Variants in CACNA2D1 observed in about 807,000 individuals in gnomAD.
CACNA2D1 encodes the protein voltage-dependent calcium channel subunit alpha-2/delta-1.
CACNA2D1 carries 53 observed loss-of-function variants against 171.5 expected under a neutral mutation model. That is an observed-to-expected ratio of 0.31 (90% CI 0.25 to 0.39). The LOEUF (loss-of-function observed/expected upper bound fraction) is 0.39. Among genes scored for constraint, CACNA2D1 ranks in the 10% least tolerant of loss-of-function variants. The probability of loss-of-function intolerance (pLI) is 1.00; values close to 1 mark genes in which losing one functional copy is unlikely to be tolerated. For missense variants in CACNA2D1, 903 were observed against 1,299.8 expected (o/e 0.69, Z 4.69); for synonymous variants, 442 against 443.1 (o/e 1.00, Z 0.03).
intron 6 of CACNA2D1, among the ~76,000 whole-genome samples, chr7:82,107,063 TA>T (rs1316750872): frequency 6.6e-6 from 1 of 152,198 alleles, no homozygotes; most frequent in Non-Finnish European, 1.5e-5. Flanking sequence ...GATAAATTTG[TA>T]ATGAAATATA....
chr7:82,053,594 T>C (rs987925646), intron 10 of CACNA2D1, among the ~76,000 whole-genome samples: 3 of 152,132 alleles, frequency 2.0e-5, no homozygotes, highest in African/African-American at 7.2e-5. Flanking sequence ...AAGGAGGAAC[T>C]AGGAGCTGGG....
rs1195618675 is a variant in CACNA2D1, at chr7:82,111,405, TTC to T, written c.526+5637_526+5638del. Among the ~76,000 whole-genome samples the T allele has an allele frequency of 2.4e-3, 222 of 91,978 alleles. 2 individuals are homozygous for T. The highest frequency in any genetic ancestry group is 8.2e-3 in the African/African-American group (217 of 26,422). 60.3% of individuals were successfully genotyped at this position (91,978 alleles called of 152,430 possible). On this transcript the variant is annotated intron_variant, in intron 6 of 38. Transcript: ENST00000356860. ...ATATGTGTATATATGTATATATATA[TTC>T]ATATATGTGTATATATGTGTGTATA...
At chr7:82,349,709 T>TG in intron 1 of CACNA2D1, 60 bp from the exon 2 acceptor site, 2 of 1,236,308 alleles carry the variant, frequency 1.6e-6, no homozygotes, top group South Asian at 2.4e-5. Context: ...AGTCACATGC[T>TG]GATATTTTAT....
intron 20 of CACNA2D1, among the ~76,000 whole-genome samples, chr7:81,992,462 G>A (rs994247413): frequency 2.0e-5 from 3 of 151,964 alleles, no homozygotes; most frequent in Admixed American, 6.6e-5. Context: ...GCAGATGGAG[G>A]GGGGAACAGG....
At chr7:81,951,626 A>G (rs1026414031) in intron 38 of CACNA2D1, among the ~76,000 whole-genome samples, 3 of 152,102 alleles carry the variant, frequency 2.0e-5, no homozygotes, top group Admixed American at 2.0e-4. Context: ...CTTCCCTTAG[A>G]AAAATGGTCT....
intron 3 of CACNA2D1, among the ~76,000 whole-genome samples, chr7:82,230,541 A>G (rs1255837227): frequency 6.6e-6 from 1 of 152,200 alleles, no homozygotes; most frequent in Admixed American, 6.5e-5. Context: ...ATTATTCTTT[A>G]ATTTAAAAAA....
At chr7:81,981,007 A>T (rs1796387051) in intron 24 of CACNA2D1, among the ~76,000 whole-genome samples, 1 of 152,184 alleles carries the variant, frequency 6.6e-6, no homozygotes, top group Non-Finnish European at 1.5e-5. Flanking sequence ...TCATATTGAA[A>T]TATGTAAAGT....
chr7:82,086,551 C>T (rs550705498), intron 6 of CACNA2D1, among the ~76,000 whole-genome samples: 1 of 152,136 alleles, frequency 6.6e-6, no homozygotes, highest in East Asian at 1.9e-4. Context: ...ACACAGATAA[C>T]CTGAACTGAT....
intron 2 of CACNA2D1, among the ~76,000 whole-genome samples, chr7:82,339,542 CTT>C (rs887092093): frequency 6.6e-6 from 1 of 152,148 alleles, no homozygotes; most frequent in African/African-American, 2.4e-5. Flanking sequence ...TGTATCAGGA[CTT>C]ATATTAGACC....
intron 24 of CACNA2D1, among the ~76,000 whole-genome samples, chr7:81,978,753 G>GTGCGTGTGTA (rs145105210): frequency 0.29 from 40,997 of 139,244 alleles, 6,714 homozygotes; most frequent in Non-Finnish European, 0.37. Flanking sequence ...TTTAAAAAGT[G>GTGCGTGTGTA]TATATATATA....
chr7:82,346,536 T>TG (rs58818110), intron 2 of CACNA2D1, among the ~76,000 whole-genome samples: 19,003 of 152,058 alleles, frequency 0.12, 1,868 homozygotes, highest in African/African-American at 0.27. Flanking sequence ...TAGAAGACCA[T>TG]GAAGAAAAAA....
chr7:82,293,419 T>C (rs533989442), intron 3 of CACNA2D1, among the ~76,000 whole-genome samples: 2 of 152,346 alleles, frequency 1.3e-5, no homozygotes, highest in South Asian at 4.1e-4. Context: ...GAAAGCCCAT[T>C]CTGCATGGGC....
chr7:82,110,306 G>A (rs1177375523), intron 6 of CACNA2D1, among the ~76,000 whole-genome samples: 1 of 152,122 alleles, frequency 6.6e-6, no homozygotes, highest in Non-Finnish European at 1.5e-5. Flanking sequence ...GAGGTCATGA[G>A]TGTGGAGCAC....
chr7:82,280,559 T>G (rs933426259), intron 3 of CACNA2D1, among the ~76,000 whole-genome samples: 1 of 152,200 alleles, frequency 6.6e-6, no homozygotes, highest in African/African-American at 2.4e-5. Context: ...TTACATGAAA[T>G]TTACATTTTT....
At chr7:82,098,654 G>T (rs958255117) in intron 6 of CACNA2D1, among the ~76,000 whole-genome samples, 5 of 152,058 alleles carry the variant, frequency 3.3e-5, no homozygotes, top group African/African-American at 1.2e-4. Context: ...GTCTTATAAG[G>T]CCATAAAGTT....
chr7:82,425,669 C>T (rs1322221116), intron 1 of CACNA2D1, among the ~76,000 whole-genome samples: 4 of 150,866 alleles, frequency 2.7e-5, no homozygotes, highest in Non-Finnish European at 4.4e-5. Context: ...ATAGCTGGGA[C>T]TAATAGGTGC....
At chr7:82,078,718 G>A (rs1809314950) in intron 7 of CACNA2D1, among the ~76,000 whole-genome samples, 3 of 152,142 alleles carry the variant, frequency 2.0e-5, no homozygotes, top group South Asian at 2.1e-4. Flanking sequence ...ACTAGTGCTT[G>A]CTTTAGAAAT....
chr7:82,278,879 G>A (rs921282027), intron 3 of CACNA2D1, among the ~76,000 whole-genome samples: 17 of 152,158 alleles, frequency 1.1e-4, no homozygotes, highest in Non-Finnish European at 1.8e-4. Flanking sequence ...GGGTCTACTC[G>A]TTCAGCACAG....
chr7:82,329,350 A>G (rs1206414992), intron 3 of CACNA2D1, among the ~76,000 whole-genome samples: 1 of 152,184 alleles, frequency 6.6e-6, no homozygotes, highest in Non-Finnish European at 1.5e-5. Flanking sequence ...CAGGACAACC[A>G]GAGGGAGACA....
Sources: allele counts gnomAD v4.1 joint callset (sites outside exome capture counted in the v4.1 genomes callset), GRCh38; gene constraint gnomAD v4.1.1; transcripts MANE v1.5; gene names NCBI Gene and HGNC (gene_info 2026-07-23, HGNC 2026-07-21).